TDRP: variants seen among roughly 807,000 people sequenced by gnomAD.
The protein encoded by TDRP is testis development related protein.
A neutral mutation model predicts 10.5 loss-of-function variants in TDRP; 12 were observed. That is an observed-to-expected ratio of 1.15 (90% confidence interval 0.73 to 1.86). The LOEUF is 1.86. Ranked by LOEUF, TDRP falls within the 40% of genes most tolerant of loss-of-function variation. The probability of loss-of-function intolerance (pLI) is 0.00; values close to 1 mark genes in which losing one functional copy is unlikely to be tolerated. For synonymous variants in TDRP, 139 were observed against 95.4 expected, an observed-to-expected ratio of 1.46 and a Z score of -2.67; for missense variants, 353 against 229.2, an observed-to-expected ratio of 1.54 and a Z score of -3.49.
At chr8:496,821 T>C (rs1801149672) in intron 1 of TDRP, among the ~76,000 whole-genome samples, 2 of 152,228 alleles carry the variant, frequency 1.3e-5, no homozygotes, top group African/African-American at 4.8e-5. Flanking sequence ...GATTTTCCTC[T>C]TGGTGTTCTC....
chr8:504,692 A>G (rs911788780), intron 1 of TDRP, among the ~76,000 whole-genome samples: 1 of 152,228 alleles, frequency 6.6e-6, no homozygotes, highest in Non-Finnish European at 1.5e-5. Flanking sequence ...CCAGGTTACA[A>G]TTTGGGTCAA....
chr8:516,397 A>G (rs1318596305), intron 1 of TDRP, among the ~76,000 whole-genome samples: 1 of 152,256 alleles, frequency 6.6e-6, no homozygotes, highest in Non-Finnish European at 1.5e-5. Flanking sequence ...AAAATATACA[A>G]GGAACTCTTA....
chr8:509,924 G>C (rs1277293780), intron 1 of TDRP, among the ~76,000 whole-genome samples: 3 of 152,162 alleles, frequency 2.0e-5, no homozygotes, highest in Non-Finnish European at 4.4e-5. Context: ...AGTCAAGCTG[G>C]GAACTGCTTG....
chr8:500,428 G>T (rs1801258657), intron 1 of TDRP, among the ~76,000 whole-genome samples: 1 of 152,146 alleles, frequency 6.6e-6, no homozygotes, highest in Non-Finnish European at 1.5e-5. Context: ...CATGAGCACA[G>T]AGCTTGGGTG....
intron 1 of TDRP, among the ~76,000 whole-genome samples, chr8:512,709 T>C (rs1003568840): frequency 2.0e-5 from 3 of 152,164 alleles, no homozygotes; most frequent in African/African-American, 7.2e-5. Context: ...TGCAGTGGTC[T>C]CATGCCTGTA....
At chr8:542,522 T>TA (rs1563135080) in intron 1 of TDRP, among the ~76,000 whole-genome samples, 2 of 151,844 alleles carry the variant, frequency 1.3e-5, no homozygotes, top group African/African-American at 4.8e-5. Context: ...ACCTGAAAAA[T>TA]AGAGTCTATT....
intron 1 of TDRP, among the ~76,000 whole-genome samples, chr8:519,597 G>T (rs372066822): frequency 2.0e-5 from 3 of 151,862 alleles, no homozygotes; most frequent in African/African-American, 7.3e-5. Flanking sequence ...TCAGCCCCTC[G>T]TGACCACCAT....
At chr8:530,739 A>G (rs1039116959) in intron 1 of TDRP, among the ~76,000 whole-genome samples, 3 of 152,134 alleles carry the variant, frequency 2.0e-5, no homozygotes, top group African/African-American at 7.2e-5. Flanking sequence ...GACATCCAAC[A>G]TACCCTTGGT....
intron 1 of TDRP, among the ~76,000 whole-genome samples, chr8:513,092 C>G (rs1285188132): frequency 7.1e-6 from 1 of 140,244 alleles, no homozygotes; most frequent in Non-Finnish European, 1.5e-5. Context: ...GAATTAATAC[C>G]AATTCTTCAC....
intron 1 of TDRP, among the ~76,000 whole-genome samples, chr8:531,156 C>T (rs1802183454): frequency 6.6e-6 from 1 of 152,152 alleles, no homozygotes; most frequent in Non-Finnish European, 1.5e-5. Flanking sequence ...CAGGGAAAGG[C>T]AGGTGAAATT....
At chr8:496,088 G>A (rs1801125006) in intron 1 of TDRP, among the ~76,000 whole-genome samples, 1 of 152,126 alleles carries the variant, frequency 6.6e-6, no homozygotes, top group South Asian at 2.1e-4. Context: ...CTGGGCATCA[G>A]GTATCAGCTT....
intron 1 of TDRP, among the ~76,000 whole-genome samples, chr8:505,735 T>C (rs953812824): frequency 1.3e-5 from 2 of 152,196 alleles, no homozygotes; most frequent in African/African-American, 4.8e-5. Flanking sequence ...AGCCCAGGCT[T>C]GTGTATACCA....
chr8:493,235 T>C (rs995353121), intron 2 of TDRP, among the ~76,000 whole-genome samples: 11 of 152,232 alleles, frequency 7.2e-5, no homozygotes, highest in Non-Finnish European at 1.5e-4. Context: ...AAGGAAATGG[T>C]AGCAAGCGAC....
At chr8:513,939 T>C (rs1055281487) in intron 1 of TDRP, among the ~76,000 whole-genome samples, 2 of 152,218 alleles carry the variant, frequency 1.3e-5, no homozygotes, top group Non-Finnish European at 2.9e-5. Context: ...ATGCTTAAAA[T>C]GTTTAAATGA....
At chr8:497,064 A>G (rs1801156294) in intron 1 of TDRP, among the ~76,000 whole-genome samples, 1 of 152,230 alleles carries the variant, frequency 6.6e-6, no homozygotes, top group Non-Finnish European at 1.5e-5. Flanking sequence ...AAAACAGACT[A>G]ACACAGAGAA....
At chr8:501,561 G>A (rs890880982) in intron 1 of TDRP, among the ~76,000 whole-genome samples, 4 of 152,174 alleles carry the variant, frequency 2.6e-5, no homozygotes, top group African/African-American at 7.2e-5. Flanking sequence ...TGGCCCGGCT[G>A]GTCTCGAACT....
chr8:518,365 G>C (rs907246288), intron 1 of TDRP, among the ~76,000 whole-genome samples: 1 of 151,978 alleles, frequency 6.6e-6, no homozygotes, highest in African/African-American at 2.4e-5. Flanking sequence ...AACAGGCATG[G>C]GTACACATAA....
chr8:516,322 G>C lies in TDRP; in HGVS notation c.109-21725C>G, dbSNP rs180996214. ...ACAAATAAAACATTCAAGAGAATGA[G>C]AGGAAAAGCCATAGACTTGGAGAAA... is the stretch of plus-strand genomic sequence containing the variant. On this transcript the variant is annotated intron_variant, in intron 1 of 2. Coordinates refer to ENST00000324079, the MANE Select transcript of TDRP (RefSeq NM_001384899.1). 8.7e-4 allele frequency among the ~76,000 whole-genome samples: 133 copies of C among 152,274 alleles called. 1 individual carries two copies. The highest frequency in any genetic ancestry group is 2.9e-3 in the African/African-American group (122 of 41,556).
At chr8:534,697 TGA>T (rs2116864861) in intron 1 of TDRP, among the ~76,000 whole-genome samples, 1 of 152,326 alleles carries the variant, frequency 6.6e-6, no homozygotes, top group South Asian at 2.1e-4. Context: ...TGGGTGATGA[TGA>T]GTGTTTGCTG....
Sources: gnomAD v4.1 joint callset for allele counts (sites outside exome capture counted in the v4.1 genomes callset) on GRCh38, gnomAD v4.1.1 for gene constraint, MANE v1.5 for transcripts, NCBI Gene and HGNC (gene_info 2026-07-23, HGNC 2026-07-21) for gene names.